TMEM40: variants seen among roughly 807,000 people sequenced by gnomAD.
TMEM40 encodes the protein transmembrane protein 40.
TMEM40 carries 34 observed loss-of-function variants against 40.8 expected under a neutral mutation model. That is an observed-to-expected ratio of 0.83 (90% CI 0.63 to 1.11). The LOEUF (loss-of-function observed/expected upper bound fraction) is 1.11, where lower values mean the gene tolerates loss of function less well. TMEM40 is among the 50% of genes least tolerant of loss of function. TMEM40 has a pLI of 0.00. For synonymous variants in TMEM40, 106 were observed against 107.0 expected, an observed-to-expected ratio of 0.99 and a Z score of 0.06; for missense variants, 296 against 280.2, an observed-to-expected ratio of 1.06 and a Z score of -0.40.
chr3:12,755,227 CTCTCTCTCTT>C (rs1308497015), intron 1 of TMEM40, among the ~76,000 whole-genome samples: 23 of 93,128 alleles, frequency 2.5e-4, no homozygotes, highest in African/African-American at 4.4e-4. Context: ...CTCTCTCTCT[CTCTCTCTCTT>C]TCTTTCTTTC....
upstream of TMEM40, among the ~76,000 whole-genome samples, chr3:12,763,904 G>A (rs1227358919): frequency 6.6e-6 from 1 of 151,920 alleles, no homozygotes; most frequent in East Asian, 1.9e-4. Context: ...CTTTACATGA[G>A]GTTTATTTTT....
chr3:12,755,220 T>TCC (rs2061513400), intron 1 of TMEM40, among the ~76,000 whole-genome samples: 1 of 80,086 alleles, frequency 1.2e-5, no homozygotes, highest in Non-Finnish European at 2.3e-5. Context: ...TCTTTCTCTC[T>TCC]CTCTCTCTCT....
In TMEM40 at chr3:12,749,766, C is replaced by T. The variant is rs760949908; in HGVS notation, c.67G>A (p.Val23Ile). Residue 23 changes from valine to isoleucine, a missense_variant, in exon 2 of 12, where the codon GTA becomes ATA. Physicochemically the swap from Val to Ile is conservative, Grantham distance 29. Transcript: ENST00000314124. ...NSQVHRETED[V>I]DYGETDFHKQ... ...TCAGAGAAGGCAAACGTACAGTCTA[C>T]ATCTTCTGTTTCTCTGTGGACTTGA... The T allele has an allele frequency of 7.4e-6, 12 of 1,613,944 alleles. No homozygotes were observed. In the Admixed American group the frequency reaches 8.3e-5, roughly 11 times the overall value.
chr3:12,752,334 G>C (rs1020613947), intron 1 of TMEM40, among the ~76,000 whole-genome samples: 2 of 152,160 alleles, frequency 1.3e-5, no homozygotes, highest in Non-Finnish European at 2.9e-5. Context: ...ACCCTGTACA[G>C]AGCCGGGAAC....
At chr3:12,768,786 T>G (rs2061606556) in intron 1 of TMEM40, among the ~76,000 whole-genome samples, 1 of 152,026 alleles carries the variant, frequency 6.6e-6, no homozygotes, top group East Asian at 1.9e-4. Context: ...TCCCGCGCAG[T>G]GCTCCCACAG....
chr3:12,740,629 G>A (rs2061374852), intron 5 of TMEM40, among the ~76,000 whole-genome samples: 1 of 151,824 alleles, frequency 6.6e-6, no homozygotes, highest in African/African-American at 2.4e-5. Flanking sequence ...AGGCCGAGGT[G>A]GGTAGATCAC....
chr3:12,737,878 T>C (rs1459695427), intron 7 of TMEM40, 124 bp from the exon 8 acceptor site: 4 of 1,047,102 alleles, frequency 3.8e-6, no homozygotes, highest in Non-Finnish European at 5.8e-6. Context: ...GGGCACTCAC[T>C]GCAGGACCAG....
intron 7 of TMEM40, 119 bp from the exon 8 acceptor site, chr3:12,737,873 C>A: frequency 9.2e-7 from 1 of 1,090,546 alleles, no homozygotes; most frequent in South Asian, 1.3e-5. Context: ...TCAGAGGGCA[C>A]TCACTGCAGG....
intron 3 of TMEM40, 67 bp downstream of exon 3, chr3:12,748,588 G>T: frequency 1.3e-6 from 2 of 1,556,262 alleles, no homozygotes; most frequent in African/African-American, 1.4e-5. Context: ...CTTCAAGTAT[G>T]GGGGATTATT....
chr3:12,745,226 A>ATTCTTTTT (rs2061418089), intron 3 of TMEM40, among the ~76,000 whole-genome samples: 1 of 127,142 alleles, frequency 7.9e-6, no homozygotes. Context: ...CACCTGGCTA[A>ATTCTTTTT]TTTTTTTTTT....
At position 12,734,769 on chromosome 3, in the gene TMEM40, T is replaced by G. The variant is rs543359174; in HGVS notation, c.*5A>C. 7 of 1,597,004 alleles carry G rather than the reference T, an allele frequency of 4.4e-6. No homozygotes were observed. The highest frequency in any genetic ancestry group is 4.3e-6 in the Non-Finnish European group (5 of 1,172,422). ...CCTGCCTCTGCTGCCCACCTGGAAG[T>G]GGCCTCAGTCAGTCTTCCTGAACCC... On this transcript the variant is annotated 3_prime_UTR_variant, in exon 12 of 12. Coordinates refer to ENST00000314124, the MANE Select transcript of TMEM40 (RefSeq NM_018306.4).
intron 1 of TMEM40, among the ~76,000 whole-genome samples, chr3:12,768,177 G>A (rs368004071): frequency 2.6e-5 from 4 of 152,268 alleles, no homozygotes; most frequent in South Asian, 4.2e-4. Context: ...AAGGCGACGC[G>A]TCTGGAGTTG....
At chr3:12,760,099 G>T (rs1329740847), upstream of TMEM40, among the ~76,000 whole-genome samples, 2 of 152,142 alleles carry the variant, frequency 1.3e-5, no homozygotes, top group African/African-American at 4.8e-5. Context: ...GACCCATCTG[G>T]AAAATCCTGT....
intron 1 of TMEM40, among the ~76,000 whole-genome samples, chr3:12,764,910 T>C (rs141363769): frequency 0.11 from 16,110 of 152,126 alleles, 2,802 homozygotes; most frequent in African/African-American, 0.37. Flanking sequence ...CTCACTCTAT[T>C]GCCCAGGGTG....
At chr3:12,744,584 A>G (rs2061412461) in intron 3 of TMEM40, among the ~76,000 whole-genome samples, 1 of 152,128 alleles carries the variant, frequency 6.6e-6, no homozygotes, top group African/African-American at 2.4e-5. Context: ...CAACCATTTC[A>G]TCTCCTGAAG....
intron 4 of TMEM40, 85 bp downstream of exon 4, chr3:12,743,814 TG>T: frequency 7.8e-7 from 1 of 1,288,754 alleles, no homozygotes; most frequent in East Asian, 2.4e-5. Context: ...TAAACAATGC[TG>T]TGAAGAACAT....
intron 1 of TMEM40, among the ~76,000 whole-genome samples, chr3:12,752,780 G>A (rs2061488585): frequency 6.6e-6 from 1 of 151,898 alleles, no homozygotes; most frequent in African/African-American, 2.4e-5. Context: ...TCCAGCCTGG[G>A]CGACAGGGCA....
At chr3:12,768,136 G>A (rs964387507) in intron 1 of TMEM40, among the ~76,000 whole-genome samples, 1 of 152,132 alleles carries the variant, frequency 6.6e-6, no homozygotes, top group African/African-American at 2.4e-5. Flanking sequence ...GAATGAAGCT[G>A]CAGACCTTCG....
intron 1 of TMEM40, among the ~76,000 whole-genome samples, chr3:12,753,238 A>C (rs1208048920): frequency 2.0e-5 from 1 of 49,022 alleles, no homozygotes; most frequent in African/African-American, 1.0e-4. Context: ...TTTTTTTTTG[A>C]GACAGGGTCT....
Sources: allele counts gnomAD v4.1 joint callset (sites outside exome capture counted in the v4.1 genomes callset), GRCh38; gene constraint gnomAD v4.1.1; transcripts MANE v1.5; gene names NCBI Gene and HGNC (gene_info 2026-07-23, HGNC 2026-07-21).